CPSF3: variants seen among roughly 807,000 people sequenced by gnomAD.
CPSF3 encodes cleavage and polyadenylation specificity factor subunit 3.
Under a neutral mutation model 84.1 loss-of-function variants are expected in CPSF3, and 57 were observed. The ratio of observed to expected loss-of-function variants is 0.68; its 90% CI spans 0.55 to 0.85. CPSF3 has a LOEUF of 0.85. Ranked by LOEUF, CPSF3 falls within the 40% of genes least tolerant of loss-of-function variation. The pLI, the probability that CPSF3 is intolerant of heterozygous loss-of-function variation, is 0.00. For missense variants in CPSF3, 522 were observed against 838.8 expected (o/e 0.62, Z 4.66); for synonymous variants, 275 against 278.1 (o/e 0.99, Z 0.11).
In CPSF3 at chr2:9,457,157, G is replaced by A. The variant is rs1572798346; in HGVS notation, c.1698+130G>A. 1.2e-5 allele frequency: 5 copies of A among 420,878 alleles called. No homozygotes were observed. In the East Asian group the frequency reaches 1.8e-4, roughly 15 times the overall value. The allele number at this position is 420,878 out of a possible 1,614,324, so 26.1% of individuals were successfully genotyped here. On this transcript the variant is annotated intron_variant, in intron 14 of 17. Transcript: ENST00000238112. Reference sequence around the variant, plus strand: ...ATTGTTGGAAAGTATATGTGTGTGTGTGTGTGTGTGTGTGTGTGTGTGTGT... The same window carrying A: ...ATTGTTGGAAAGTATATGTGTGTGTATGTGTGTGTGTGTGTGTGTGTGTGT...
chr2:9,438,249 A>T (rs909501548), intron 7 of CPSF3, among the ~76,000 whole-genome samples: 1 of 152,238 alleles, frequency 6.6e-6, no homozygotes, highest in Non-Finnish European at 1.5e-5. Context: ...AATCTAATTC[A>T]GTCTTTTGAT....
intron 1 of CPSF3, 131 bp downstream of exon 1, chr2:9,423,954 G>A (rs1244054075): frequency 1.4e-6 from 2 of 1,470,244 alleles, no homozygotes; most frequent in Non-Finnish European, 1.8e-6. Flanking sequence ...GCGCTTGCGG[G>A]CCAGGCTTCT....
At chr2:9,440,948 C>T (rs1680944903) in intron 8 of CPSF3, among the ~76,000 whole-genome samples, 1 of 152,236 alleles carries the variant, frequency 6.6e-6, no homozygotes, top group South Asian at 2.1e-4. Flanking sequence ...TGTCGTTTTT[C>T]TGCAGAAAAT....
intron 14 of CPSF3, among the ~76,000 whole-genome samples, chr2:9,457,255 A>G (rs1225991834): frequency 6.6e-6 from 1 of 151,876 alleles, no homozygotes; most frequent in Non-Finnish European, 1.5e-5. Context: ...TCACAAAAAA[A>G]CCTAATAATA....
chr2:9,462,591 C>T (rs1019072715), intron 15 of CPSF3, among the ~76,000 whole-genome samples: 17 of 152,198 alleles, frequency 1.1e-4, no homozygotes, highest in Non-Finnish European at 5.9e-5. Flanking sequence ...GACAGATAAT[C>T]TCCACATAGC....
chr2:9,445,593 G>A (rs1681102639), intron 10 of CPSF3, among the ~76,000 whole-genome samples: 1 of 152,212 alleles, frequency 6.6e-6, no homozygotes, highest in Non-Finnish European at 1.5e-5. Flanking sequence ...ATCACAGTGT[G>A]TAGGGTTTAG....
intron 4 of CPSF3, 116 bp from the exon 5 acceptor site, chr2:9,432,395 C>T: frequency 1.5e-6 from 1 of 645,644 alleles, no homozygotes; most frequent in Non-Finnish European, 2.3e-6. Context: ...ATGATTCATA[C>T]AGTATATTTT....
intron 12 of CPSF3, among the ~76,000 whole-genome samples, chr2:9,454,285 G>A (rs1382604064): frequency 6.6e-6 from 1 of 152,110 alleles, no homozygotes; most frequent in Non-Finnish European, 1.5e-5. Flanking sequence ...GCATGTGCCT[G>A]TAGTCCCAGC....
At chr2:9,453,080 GAAAA>G (rs1681394363) in intron 12 of CPSF3, 59 bp downstream of exon 12, 1 of 1,052,024 alleles carries the variant, frequency 9.5e-7, no homozygotes, top group East Asian at 2.6e-5. Flanking sequence ...GAAAATCTAT[GAAAA>G]CTTCTCTTCA....
chr2:9,465,747 T>C (rs1200104305), intron 15 of CPSF3, among the ~76,000 whole-genome samples: 1 of 152,226 alleles, frequency 6.6e-6, no homozygotes, highest in Non-Finnish European at 1.5e-5. Context: ...CCTATCTTAG[T>C]CTGTTCAATC....
At chr2:9,447,999 C>T (rs1681184419) in intron 10 of CPSF3, among the ~76,000 whole-genome samples, 199 bp from the exon 11 acceptor site, 1 of 152,010 alleles carries the variant, frequency 6.6e-6, no homozygotes, top group Non-Finnish European at 1.5e-5. Context: ...CAAATAGTAC[C>T]ACATAAGGAT....
At chr2:9,468,014 A>G (rs555564720) in intron 16 of CPSF3, 2 of 393,940 alleles carry the variant, frequency 5.1e-6, no homozygotes, top group Non-Finnish European at 4.5e-6. Context: ...GTGCTTCAGG[A>G]TGCTGGCACA....
At chr2:9,437,254 A>G (rs1225763380) in intron 7 of CPSF3, among the ~76,000 whole-genome samples, 3 of 152,100 alleles carry the variant, frequency 2.0e-5, no homozygotes, top group Non-Finnish European at 2.9e-5. Flanking sequence ...AAATAGAAAA[A>G]TGAGCCAGGT....
intron 16 of CPSF3, among the ~76,000 whole-genome samples, chr2:9,468,922 G>A (rs941065610): frequency 1.3e-4 from 20 of 152,042 alleles, no homozygotes; most frequent in South Asian, 6.2e-4. Context: ...CCCCGTGCCC[G>A]GCCCACTAAA....
intron 6 of CPSF3, among the ~76,000 whole-genome samples, chr2:9,434,473 C>T (rs996997289): frequency 2.6e-5 from 4 of 152,114 alleles, no homozygotes; most frequent in Admixed American, 6.5e-5. Context: ...GCCAGGCTGC[C>T]TCTGGGCAGG....
chr2:9,469,502 G>T (rs529146939), intron 16 of CPSF3, among the ~76,000 whole-genome samples: 7 of 152,150 alleles, frequency 4.6e-5, no homozygotes, highest in Non-Finnish European at 1.0e-4. Context: ...TGCAGTCGGG[G>T]TGCAGAATGG....
At chr2:9,444,288 C>T (rs1049949070) in intron 10 of CPSF3, among the ~76,000 whole-genome samples, 14 of 151,264 alleles carry the variant, frequency 9.3e-5, no homozygotes, top group Non-Finnish European at 1.5e-4. Flanking sequence ...CCACCACACC[C>T]GGCTAATTTT....
intron 14 of CPSF3, among the ~76,000 whole-genome samples, chr2:9,458,232 C>T (rs1382834235): frequency 2.0e-5 from 3 of 151,732 alleles, no homozygotes; most frequent in East Asian, 2.0e-4. Context: ...GGTGAAAACC[C>T]GTCTCTACTA....
At position 9,448,343 on chromosome 2, in the gene CPSF3, T is replaced by C; in HGVS notation, c.1388T>C (p.Leu463Pro). The C allele has an allele frequency of 6.2e-7, 1 of 1,611,358 alleles. No individual in the cohort carries two copies. Residue 463 changes from leucine to proline, a missense_variant, in exon 11 of 18, where the codon CTA (leucine) becomes CCA (proline). Leu to Pro is a moderately conservative substitution (Grantham distance 98). Coordinates refer to ENST00000238112, the MANE Select transcript of CPSF3 (RefSeq NM_016207.4). ...ACCTTAAACTTCAGAGGAGAAAAAC[T>C]AGCCAAGGTAAAAGGTTATGGTTCC... ...AVTLNFRGEK[L>P]AKVMGFLADK...
Sources: allele counts gnomAD v4.1 joint callset (sites outside exome capture counted in the v4.1 genomes callset), GRCh38; gene constraint gnomAD v4.1.1; transcripts MANE v1.5; gene names NCBI Gene and HGNC (gene_info 2026-07-23, HGNC 2026-07-21).